Variants in ASRGL1 observed in about 807,000 individuals in gnomAD.
The protein encoded by ASRGL1 is asparaginase and isoaspartyl peptidase 1.
In ASRGL1, 16 loss-of-function variants were observed where a neutral mutation model predicts 22.4. The ratio of observed to expected loss-of-function variants is 0.71; its 90% CI spans 0.48 to 1.08. The LOEUF (loss-of-function observed/expected upper bound fraction) is 1.08. Among genes scored for constraint, ASRGL1 ranks in the 50% least tolerant of loss-of-function variants. ASRGL1 has a pLI of 0.00. For synonymous variants in ASRGL1, 165 were observed against 159.3 expected (o/e 1.04, Z -0.27); for missense variants, 412 against 410.1 (o/e 1.00, Z -0.04).
intron 4 of ASRGL1, among the ~76,000 whole-genome samples, chr11:62,381,446 C>A (rs573067268): frequency 6.6e-6 from 1 of 152,250 alleles, no homozygotes; most frequent in African/African-American, 2.4e-5. Flanking sequence ...CCTGCCTATT[C>A]TTCACAATCT....
chr11:62,352,496 A>T (rs1321616107), intron 2 of ASRGL1, among the ~76,000 whole-genome samples: 1 of 152,092 alleles, frequency 6.6e-6, no homozygotes, highest in Admixed American at 6.5e-5. Flanking sequence ...AGGCACAAGA[A>T]TCACTTCAAC....
At chr11:62,391,434 G>T in intron 5 of ASRGL1, 88 bp from the exon 6 acceptor site, 1 of 1,491,304 alleles carries the variant, frequency 6.7e-7, no homozygotes, top group Non-Finnish European at 9.0e-7. Flanking sequence ...CACCCTTCGC[G>T]ATTTAACTTT....
chr11:62,384,290 G>A (rs1404311943), intron 4 of ASRGL1, among the ~76,000 whole-genome samples: 8 of 151,726 alleles, frequency 5.3e-5, no homozygotes, highest in Admixed American at 5.2e-4. Flanking sequence ...AGATCATGAG[G>A]TCAGGAGTTC....
intron 2 of ASRGL1, among the ~76,000 whole-genome samples, chr11:62,344,086 TG>T (rs1429680975): frequency 6.6e-6 from 1 of 151,930 alleles, no homozygotes; most frequent in Non-Finnish European, 1.5e-5. Context: ...TTAGTAGACA[TG>T]GGGTTTCATC....
chr11:62,391,743 A>G, intron 6 of ASRGL1, 111 bp downstream of exon 6: 1 of 1,382,156 alleles, frequency 7.2e-7, no homozygotes, highest in Admixed American at 2.6e-5. Context: ...TTGGCTACAG[A>G]TGTTGCTTTC....
intron 2 of ASRGL1, among the ~76,000 whole-genome samples, chr11:62,340,639 A>G (rs1261326736): frequency 3.9e-5 from 6 of 152,186 alleles, no homozygotes; most frequent in South Asian, 2.1e-4. Flanking sequence ...CTGCCCTCTC[A>G]TCTTTCAAAT....
chr11:62,384,766 A>C, intron 4 of ASRGL1, among the ~76,000 whole-genome samples: 1 of 135,026 alleles, frequency 7.4e-6, no homozygotes, highest in East Asian at 2.1e-4. Flanking sequence ...GAAAGACAAA[A>C]AATTAGCCGG....
chr11:62,371,636 G>T, intron 4 of ASRGL1: 1 of 647,946 alleles, frequency 1.5e-6, no homozygotes, highest in South Asian at 1.4e-5. Flanking sequence ...GCAACCAACT[G>T]GGACTTGATT....
chr11:62,356,602 G>A, intron 3 of ASRGL1, 135 bp downstream of exon 3: 3 of 1,161,056 alleles, frequency 2.6e-6, no homozygotes, highest in Non-Finnish European at 3.6e-6. Context: ...CAATGTATTT[G>A]AGTTTCTCAA....
rs781320460 is a variant in ASRGL1 at position 62,369,652 on chromosome 11, G to A, written c.491+12508G>A. Among the ~76,000 whole-genome samples the A allele has an allele frequency of 1.8e-4, 27 of 152,082 alleles. 1 individual carries two copies. Among genetic ancestry groups the A allele is most frequent in the Non-Finnish European group, 1.2e-4 (8 of 68,030 alleles). ...GGGTTAAGATTTGTGAGACCATCAG[G>A]AACTGCTGATTGCCTCAGTTCCTGG... On this transcript the variant is annotated intron_variant, in intron 4 of 6. Transcript: ENST00000415229.
chr11:62,344,911 A>G (rs1008950631), intron 2 of ASRGL1, among the ~76,000 whole-genome samples: 2 of 151,904 alleles, frequency 1.3e-5, no homozygotes, highest in African/African-American at 4.8e-5. Context: ...TTTACTCTCT[A>G]TCTTCATGAG....
At chr11:62,366,392 A>G (rs1472520678) in intron 4 of ASRGL1, among the ~76,000 whole-genome samples, 5 of 146,208 alleles carry the variant, frequency 3.4e-5, no homozygotes, top group African/African-American at 9.9e-5. Context: ...AATATATGGT[A>G]TGTGGGCCTC....
In ASRGL1 at chr11:62,391,638, C is replaced by G. The variant is rs1457805633; in HGVS notation, c.721+6C>G. On this transcript the variant is annotated splice_donor_region_variant and intron_variant, in intron 6 of 6. Coordinates refer to ENST00000415229, the MANE Select transcript of ASRGL1 (RefSeq NM_001083926.2). ...CCTGTTCCACATAGAACAAGGTACA[C>G]AGACCACAGGACAAGTAAAATAATT... 1 of 1,602,084 alleles carries G rather than the reference C, an allele frequency of 6.2e-7. No individual in the cohort carries two copies. The highest frequency in any genetic ancestry group is 1.3e-5 in the African/African-American group (1 of 74,542).
Position 62,338,184 on chromosome 11 carries a change from G to C in ASRGL1, c.190+17G>C. On this transcript the variant is annotated intron_variant, in intron 2 of 6. Coordinates refer to ENST00000415229, the MANE Select transcript of ASRGL1 (RefSeq NM_001083926.2). The stretch of plus-strand genomic sequence containing the variant: ...TCAACGCAGGTAAATGTGCCTTTCA[G>C]CTAGTAAATAATGTGAGTCAGGTCA... 2 of 1,530,956 alleles carry C rather than the reference G, an allele frequency of 1.3e-6. No individual in the cohort carries two copies. Among genetic ancestry groups the C allele is most frequent in the Non-Finnish European group, 1.8e-6 (2 of 1,140,080 alleles). The allele number at this position is 1,530,956 out of a possible 1,614,324, so 94.8% of individuals were successfully genotyped here.
chr11:62,380,936 C>A (rs960841006), intron 4 of ASRGL1, among the ~76,000 whole-genome samples: 10 of 152,080 alleles, frequency 6.6e-5, no homozygotes. Context: ...CTAGGTGGTG[C>A]TGTAGGATAA....
chr11:62,371,299 G>A, intron 4 of ASRGL1: 2 of 1,383,258 alleles, frequency 1.4e-6, no homozygotes, highest in African/African-American at 1.5e-5. Flanking sequence ...CGGCGACGAG[G>A]ACGGCCTGGA....
intron 2 of ASRGL1, among the ~76,000 whole-genome samples, chr11:62,355,520 G>A (rs911227246): frequency 9.9e-5 from 15 of 152,006 alleles, no homozygotes; most frequent in Non-Finnish European, 2.1e-4. Context: ...CGCTGTGCCC[G>A]GCCAAGATTT....
At chr11:62,346,203 C>T (rs1271538598) in intron 2 of ASRGL1, among the ~76,000 whole-genome samples, 1 of 152,070 alleles carries the variant, frequency 6.6e-6, no homozygotes, top group Admixed American at 6.6e-5. Flanking sequence ...ACTCCCTCCT[C>T]GAATTCAGTT....
At chr11:62,381,398 G>C (rs1947063692) in intron 4 of ASRGL1, among the ~76,000 whole-genome samples, 1 of 152,132 alleles carries the variant, frequency 6.6e-6, no homozygotes, top group South Asian at 2.1e-4. Context: ...TTTACAATGT[G>C]AACTTTTGAA....
Sources: gnomAD v4.1 joint callset for allele counts (sites outside exome capture counted in the v4.1 genomes callset) on GRCh38, gnomAD v4.1.1 for gene constraint, MANE v1.5 for transcripts, NCBI Gene and HGNC (gene_info 2026-07-23, HGNC 2026-07-21) for gene names.